The following CHRM2 variants were observed in gnomAD, a reference collection of about 807,000 sequenced individuals.
CHRM2 encodes cholinergic receptor muscarinic 2.
In CHRM2, 8 loss-of-function variants were observed where a neutral mutation model predicts 25.0. The ratio of observed to expected loss-of-function variants is 0.32; its 90% confidence interval spans 0.19 to 0.58. CHRM2 has a LOEUF of 0.58. Ranked by LOEUF, CHRM2 falls within the 20% of genes least tolerant of loss-of-function variation. The pLI, the probability that CHRM2 is intolerant of heterozygous loss-of-function variation, is 0.88. For missense variants in CHRM2, 440 were observed against 567.1 expected, an observed-to-expected ratio of 0.78 and a Z score of 2.28; for synonymous variants, 202 against 205.7, an observed-to-expected ratio of 0.98 and a Z score of 0.15.
intron 2 of CHRM2, among the ~76,000 whole-genome samples, chr7:136,949,319 C>T (rs1005772457): frequency 2.6e-5 from 4 of 151,864 alleles, no homozygotes; most frequent in South Asian, 2.1e-4. Context: ...TCAGCAAGTG[C>T]TTAATATAAA....
intron 2 of CHRM2, among the ~76,000 whole-genome samples, chr7:136,978,077 G>T (rs964192409): frequency 1.1e-4 from 16 of 151,936 alleles, no homozygotes; most frequent in African/African-American, 3.9e-4. Flanking sequence ...GGGGGTGGAG[G>T]AGGGGGAACA....
chr7:137,002,266 C>A (rs1804092961), intron 3 of CHRM2, among the ~76,000 whole-genome samples: 1 of 152,004 alleles, frequency 6.6e-6, no homozygotes, highest in African/African-American at 2.4e-5. Context: ...ATGGTAAATG[C>A]AAGTTACAAA....
intron 2 of CHRM2, among the ~76,000 whole-genome samples, chr7:136,932,401 T>C (rs934172485): frequency 6.6e-6 from 1 of 152,186 alleles, no homozygotes; most frequent in African/African-American, 2.4e-5. Flanking sequence ...CAATCCTATA[T>C]CAAATCTTTG....
At chr7:136,923,027 A>T (rs1798536696) in intron 2 of CHRM2, among the ~76,000 whole-genome samples, 1 of 152,164 alleles carries the variant, frequency 6.6e-6, no homozygotes. Flanking sequence ...TCACATGTTA[A>T]ATGCTTAGCA....
chr7:137,000,076 T>A (rs1218384687), intron 3 of CHRM2, among the ~76,000 whole-genome samples: 1 of 152,166 alleles, frequency 6.6e-6, no homozygotes, highest in Middle Eastern at 3.4e-3. Context: ...ACTGTAAAGG[T>A]AATTATTTTT....
intron 2 of CHRM2, among the ~76,000 whole-genome samples, chr7:136,961,995 A>G (rs1801114739): frequency 6.6e-6 from 1 of 152,116 alleles, no homozygotes; most frequent in Non-Finnish European, 1.5e-5. Flanking sequence ...AAACATAAAA[A>G]TAGCTTCTCA....
In CHRM2 at chr7:137,016,377, C is replaced by A; in HGVS notation, c.*111C>A. On this transcript the variant is annotated 3_prime_UTR_variant, in exon 4 of 4. Coordinates refer to ENST00000680005, the MANE Select transcript of CHRM2 (RefSeq NM_001006630.2). The stretch of plus-strand genomic sequence containing the variant: ...GCCATTGCACTTTATAGTCTGATTA[C>A]AAAACGTGCAATTCAGGAGCCCAGC... The A allele has an allele frequency of 8.6e-7, 1 of 1,162,702 alleles. No individual in the cohort carries two copies. Among genetic ancestry groups the A allele is most frequent in the Non-Finnish European group, 1.3e-6 (1 of 795,808 alleles). The allele number at this position is 1,162,702 out of a possible 1,614,324, so 72.0% of individuals were successfully genotyped here.
Position 136,940,777 on chromosome 7 carries a change from T to G in CHRM2, c.-124-51410T>G, listed in dbSNP as rs953165884. ...GTGTTAGGTACTATTATTTTCCTTT[T>G]GCATATGAAGAAACTGTGAATTAGA... On this transcript the variant is annotated intron_variant, in intron 2 of 3. Coordinates refer to ENST00000680005, the MANE Select transcript of CHRM2 (RefSeq NM_001006630.2). Among the ~76,000 whole-genome samples, 10 of 152,336 alleles carry G rather than the reference T, an allele frequency of 6.6e-5. 3 individuals carry two copies. Among genetic ancestry groups the G allele is most frequent in the Admixed American group, 2.0e-4 (3 of 15,298 alleles).
At chr7:136,965,194 T>C (rs1371049181) in intron 2 of CHRM2, among the ~76,000 whole-genome samples, 1 of 152,108 alleles carries the variant, frequency 6.6e-6, no homozygotes, top group Non-Finnish European at 1.5e-5. Context: ...CAAAATGCTC[T>C]CTTAATTCAG....
rs776923730 is a variant in CHRM2, at chr7:136,921,794, C to CTTTCTTTCTTTT, written c.-125+52379_-125+52380insCTTTCTTTTTTT. On this transcript the variant is annotated intron_variant, in intron 2 of 3. Coordinates refer to ENST00000680005, the MANE Select transcript of CHRM2 (RefSeq NM_001006630.2). Reference sequence around the variant, plus strand: ...TCTTTCTTTCTTTCTTTCTTTCTTTCTTTTTTTTGAGACAGATTCTCACTC... The same window carrying CTTTCTTTCTTTT: ...TCTTTCTTTCTTTCTTTCTTTCTTTCTTTCTTTCTTTTTTTTTTTTGAGACAGATTCTCACTC... Among the ~76,000 whole-genome samples, 141 of 116,626 alleles carry CTTTCTTTCTTTT rather than the reference C, an allele frequency of 1.2e-3. 2 individuals carry two copies. The highest frequency in any genetic ancestry group is 3.4e-3 in the African/African-American group (123 of 36,108). The allele number at this position is 116,626 out of a possible 152,430, so 76.5% of individuals were successfully genotyped here. A position where few individuals can be genotyped will look rare whatever the true frequency, so the allele number is the denominator to read the frequency against.
rs901900780 is a variant in CHRM2 at position 137,019,746 on chromosome 7, T to C, written c.*3480T>C. 2 of 151,896 alleles carry C rather than the reference T, an allele frequency of 1.3e-5. No homozygotes were observed. Among genetic ancestry groups the C allele is most frequent in the Non-Finnish European group, 2.9e-5 (2 of 67,896 alleles). The allele number at this position is 151,896 out of a possible 1,614,324, so 9.4% of individuals were successfully genotyped here. On this transcript the variant is annotated 3_prime_UTR_variant, in exon 4 of 4. Transcript: ENST00000680005. ...AAGTATTAGGGCAGAGTAATCAATA[T>C]GAGAAGCCACAACGGGTAAGCTTTC...
intron 2 of CHRM2, among the ~76,000 whole-genome samples, chr7:136,960,989 G>T (rs369111376): frequency 6.6e-6 from 1 of 152,098 alleles, no homozygotes; most frequent in Admixed American, 6.5e-5. Flanking sequence ...TTAGCCAGGC[G>T]TGGTGGCAGG....
intron 2 of CHRM2, among the ~76,000 whole-genome samples, chr7:136,884,896 C>A (rs1346224689): frequency 6.6e-6 from 1 of 152,138 alleles, no homozygotes; most frequent in Non-Finnish European, 1.5e-5. Context: ...CAGTGAAGAT[C>A]AAAACTTACA....
At chr7:137,005,689 A>T (rs1804375289) in intron 3 of CHRM2, among the ~76,000 whole-genome samples, 1 of 152,034 alleles carries the variant, frequency 6.6e-6, no homozygotes, top group Non-Finnish European at 1.5e-5. Flanking sequence ...CCCTAAAAGG[A>T]TATTTTGTTT....
chr7:136,879,072 C>T (rs1055259812), intron 2 of CHRM2, among the ~76,000 whole-genome samples: 1 of 152,004 alleles, frequency 6.6e-6, no homozygotes, highest in Non-Finnish European at 1.5e-5. Context: ...AACCTCCTGG[C>T]TTAGCATAAT....
At chr7:136,936,607 TC>T (rs1799427349) in intron 2 of CHRM2, among the ~76,000 whole-genome samples, 1 of 91,148 alleles carries the variant, frequency 1.1e-5, no homozygotes, top group Non-Finnish European at 3.4e-5. Context: ...TGTACATGTC[TC>T]TGTCTGAGTT....
chr7:137,006,757 T>A (rs1023556202), intron 3 of CHRM2, among the ~76,000 whole-genome samples: 1 of 152,084 alleles, frequency 6.6e-6, no homozygotes, highest in African/African-American at 2.4e-5. Context: ...TGGCCTTTTT[T>A]TTCCCCCAAA....
chr7:136,961,384 T>C (rs983972335), intron 2 of CHRM2, among the ~76,000 whole-genome samples: 3 of 152,162 alleles, frequency 2.0e-5, no homozygotes, highest in African/African-American at 7.2e-5. Flanking sequence ...TGACTTACAA[T>C]AGGTTTATCA....
At chr7:136,955,407 T>C (rs985021219) in intron 2 of CHRM2, among the ~76,000 whole-genome samples, 2 of 152,210 alleles carry the variant, frequency 1.3e-5, no homozygotes, top group Admixed American at 6.5e-5. Context: ...GTTTTCACAT[T>C]CTACCTGGCT....
Sources: allele counts gnomAD v4.1 joint callset (sites outside exome capture counted in the v4.1 genomes callset), GRCh38; gene constraint gnomAD v4.1.1; transcripts MANE v1.5; gene names NCBI Gene and HGNC (gene_info 2026-07-23, HGNC 2026-07-21).